SPON1: variants seen among roughly 807,000 people sequenced by gnomAD.
SPON1 encodes spondin 1.
In SPON1, 52 loss-of-function variants were observed where a neutral mutation model predicts 111.7. The ratio of observed to expected loss-of-function variants is 0.47; its 90% CI spans 0.37 to 0.59. The LOEUF (loss-of-function observed/expected upper bound fraction) is 0.59. Among genes scored for constraint, SPON1 ranks in the 20% least tolerant of loss-of-function variants. The pLI, the probability that SPON1 is intolerant of heterozygous loss-of-function variation, is 0.00. For synonymous variants in SPON1, 410 were observed against 395.8 expected (o/e 1.04, Z -0.43); for missense variants, 957 against 1,068.5 (o/e 0.90, Z 1.46).
chr11:14,234,407 G>A (rs541316879), intron 6 of SPON1, among the ~76,000 whole-genome samples: 1 of 152,318 alleles, frequency 6.6e-6, no homozygotes, highest in South Asian at 2.1e-4. Context: ...CTGGTGGGAT[G>A]GGAGGCAGGC....
intron 6 of SPON1, among the ~76,000 whole-genome samples, chr11:14,209,903 C>T (rs1438351295): frequency 6.6e-6 from 1 of 152,158 alleles, no homozygotes; most frequent in Non-Finnish European, 1.5e-5. Context: ...CCTATTTCTC[C>T]ACATCCTCTC....
At chr11:14,167,185 T>C (rs1228065394) in intron 6 of SPON1, among the ~76,000 whole-genome samples, 9 of 152,286 alleles carry the variant, frequency 5.9e-5, no homozygotes, top group African/African-American at 2.2e-4. Context: ...GCTTCCTGTA[T>C]AATTTTTGTA....
At chr11:14,085,421 T>C (rs1168977333) in intron 5 of SPON1, among the ~76,000 whole-genome samples, 1 of 151,930 alleles carries the variant, frequency 6.6e-6, no homozygotes, top group African/African-American at 2.4e-5. Context: ...CCCCACTGCT[T>C]TTTTTTTGTC....
intron 2 of SPON1, among the ~76,000 whole-genome samples, chr11:14,002,146 A>G (rs1848324028): frequency 6.6e-6 from 1 of 152,232 alleles, no homozygotes; most frequent in Non-Finnish European, 1.5e-5. Flanking sequence ...ATTACACAGG[A>G]TGCCCTCCAT....
At chr11:13,982,732 G>A (rs782367107) in intron 1 of SPON1, 115 bp from the exon 2 acceptor site, 7 of 713,540 alleles carry the variant, frequency 9.8e-6, no homozygotes, top group African/African-American at 3.5e-5. Flanking sequence ...CACTGTCCAC[G>A]GCCTCTGTAA....
chr11:14,088,197 C>T (rs1014195592), intron 5 of SPON1, among the ~76,000 whole-genome samples: 5 of 152,124 alleles, frequency 3.3e-5, no homozygotes, highest in Admixed American at 6.5e-5. Flanking sequence ...TTATTTTGCA[C>T]ATTTGTTGAT....
intron 5 of SPON1, among the ~76,000 whole-genome samples, chr11:14,089,837 A>G (rs1849035534): frequency 6.6e-6 from 1 of 152,164 alleles, no homozygotes; most frequent in Admixed American, 6.5e-5. Context: ...TTTCTTTCAG[A>G]GACGCCCTGC....
intron 2 of SPON1, among the ~76,000 whole-genome samples, chr11:13,993,688 GT>G: frequency 6.6e-6 from 1 of 152,182 alleles, no homozygotes; most frequent in East Asian, 1.9e-4. Flanking sequence ...ATTAACTTGT[GT>G]GCTATCTGTC....
intron 1 of SPON1, among the ~76,000 whole-genome samples, chr11:13,969,433 C>T (rs1272074095): frequency 2.6e-5 from 4 of 151,990 alleles, no homozygotes; most frequent in Non-Finnish European, 4.4e-5. Flanking sequence ...TGTGTATGTG[C>T]AAGCTTATGT....
At chr11:13,982,810 TCTTATA>T (rs1554909827) in intron 1 of SPON1, 31 bp from the exon 2 acceptor site, 2 of 1,367,730 alleles carry the variant, frequency 1.5e-6, no homozygotes, top group Admixed American at 2.0e-5. Context: ...AATAATTGAT[TCTTATA>T]CTTAAAACCT....
At chr11:14,224,837 A>G (rs1848720321) in intron 6 of SPON1, 1 of 356,538 alleles carries the variant, frequency 2.8e-6, no homozygotes, top group Admixed American at 2.9e-5. Context: ...TTACCCCTAA[A>G]GCCAAAGGAA....
chr11:13,973,161 C>A (rs570245462), intron 1 of SPON1, among the ~76,000 whole-genome samples: 4 of 152,162 alleles, frequency 2.6e-5, no homozygotes, highest in Non-Finnish European at 5.9e-5. Context: ...AAAGAAAAGC[C>A]CCTTTCCTTC....
At chr11:14,077,819 A>T (rs1233660967) in intron 4 of SPON1, among the ~76,000 whole-genome samples, 2 of 149,826 alleles carry the variant, frequency 1.3e-5, no homozygotes, top group African/African-American at 4.9e-5. Flanking sequence ...TGTCACAAGC[A>T]ATTAAATGAA....
intron 5 of SPON1, among the ~76,000 whole-genome samples, chr11:14,080,680 G>C (rs1398460894): frequency 6.6e-6 from 1 of 152,144 alleles, no homozygotes; most frequent in Non-Finnish European, 1.5e-5. Flanking sequence ...CGGCAAAAGG[G>C]ACCTGCTCTT....
intron 6 of SPON1, among the ~76,000 whole-genome samples, chr11:14,150,853 G>A (rs146125686): frequency 6.6e-6 from 1 of 152,272 alleles, no homozygotes; most frequent in African/African-American, 2.4e-5. Flanking sequence ...GCAGGTATCA[G>A]GAGCAACACT....
intron 5 of SPON1, among the ~76,000 whole-genome samples, chr11:14,096,093 A>C (rs1849098832): frequency 6.6e-6 from 1 of 152,248 alleles, no homozygotes; most frequent in Non-Finnish European, 1.5e-5. Flanking sequence ...TTTCAGTGAA[A>C]GAAAGGGCAA....
At chr11:14,141,029 C>CCCCCCCCCCCCCCCCCCCCCCA (rs71041572) in intron 6 of SPON1, among the ~76,000 whole-genome samples, 3 of 132,274 alleles carry the variant, frequency 2.3e-5, no homozygotes, top group Admixed American at 8.0e-5. Flanking sequence ...GTGCCCCCCC[C>CCCCCCCCCCCCCCCCCCCCCCA]ATGCCCCACT....
At chr11:14,152,167 G>A (rs147627414) in intron 6 of SPON1, among the ~76,000 whole-genome samples, 3 of 152,196 alleles carry the variant, frequency 2.0e-5, no homozygotes, top group South Asian at 2.1e-4. Flanking sequence ...ATGTCTCATA[G>A]TACATTGAGA....
intron 1 of SPON1, among the ~76,000 whole-genome samples, chr11:13,976,745 T>G (rs1273469325): frequency 6.6e-6 from 1 of 152,178 alleles, no homozygotes; most frequent in Non-Finnish European, 1.5e-5. Context: ...TAGAGTGTGG[T>G]GAATTATCAC....
Sources: gnomAD v4.1 joint callset for allele counts (sites outside exome capture counted in the v4.1 genomes callset) on GRCh38, gnomAD v4.1.1 for gene constraint, MANE v1.5 for transcripts, NCBI Gene and HGNC (gene_info 2026-07-23, HGNC 2026-07-21) for gene names.